NDUFAF2: variants seen among roughly 807,000 people sequenced by gnomAD.
NDUFAF2 encodes NADH dehydrogenase [ubiquinone] 1 alpha subcomplex assembly factor 2.
Under a neutral mutation model 22.8 loss-of-function variants are expected in NDUFAF2, and 13 were observed. That is an observed-to-expected ratio of 0.57 (90% CI 0.37 to 0.91). The LOEUF is 0.91. NDUFAF2 is among the 40% of genes least tolerant of loss of function. The pLI, the probability that NDUFAF2 is intolerant of heterozygous loss-of-function variation, is 0.01. For synonymous variants in NDUFAF2, 53 were observed against 64.2 expected (o/e 0.83, Z 0.84); for missense variants, 162 against 195.2 (o/e 0.83, Z 1.01).
At chr5:61,010,942 T>C (rs966813357) in intron 1 of NDUFAF2, among the ~76,000 whole-genome samples, 1 of 152,078 alleles carries the variant, frequency 6.6e-6, no homozygotes, top group African/African-American at 2.4e-5. Flanking sequence ...CTGGCTGGCC[T>C]TTTGGCTGGC....
intron 1 of NDUFAF2, among the ~76,000 whole-genome samples, chr5:61,051,954 A>G (rs918428524): frequency 7.2e-5 from 11 of 152,210 alleles, no homozygotes; most frequent in Non-Finnish European, 1.0e-4. Flanking sequence ...AGAACCTCAC[A>G]ATGGCTCTGA....
chr5:61,107,968 C>T (rs1261867188), intron 3 of NDUFAF2, among the ~76,000 whole-genome samples: 2 of 151,014 alleles, frequency 1.3e-5, no homozygotes, highest in Non-Finnish European at 2.9e-5. Context: ...TTTCCAATTT[C>T]ATCCATGTCC....
chr5:61,121,011 C>T (rs750961284), intron 3 of NDUFAF2, among the ~76,000 whole-genome samples: 2 of 151,722 alleles, frequency 1.3e-5, no homozygotes, highest in South Asian at 2.1e-4. Context: ...TTTTAATGGG[C>T]GGAATAATGG....
intron 1 of NDUFAF2, among the ~76,000 whole-genome samples, chr5:61,056,889 CAAAAAAAAAAAAA>C (rs144850054): frequency 1.1e-4 from 5 of 46,792 alleles, no homozygotes; most frequent in African/African-American, 5.4e-4. Flanking sequence ...ACTCTGTCTC[CAAAAAAAAAAAAA>C]AAAAAAAAAA....
chr5:61,068,838 T>G lies in NDUFAF2; in HGVS notation c.128-4287T>G, dbSNP rs555661304. On this transcript the variant is annotated intron_variant, in intron 1 of 3. Coordinates refer to ENST00000296597, the MANE Select transcript of NDUFAF2 (RefSeq NM_174889.5). ...CAACCGAAATGTCAGTTTGTAGATG[T>G]AACATTTGTAGTCATCTGAAAGTCT... 7.8e-4 allele frequency among the ~76,000 whole-genome samples: 119 copies of G among 152,298 alleles called. 1 individual carries two copies. The highest frequency in any genetic ancestry group is 6.8e-3 in the Middle Eastern group (2 of 294).
At chr5:60,976,923 T>C (rs966905970) in intron 1 of NDUFAF2, among the ~76,000 whole-genome samples, 1 of 152,170 alleles carries the variant, frequency 6.6e-6, no homozygotes, top group Non-Finnish European at 1.5e-5. Context: ...ATCTTTTTAG[T>C]AAATAATTAT....
intron 1 of NDUFAF2, among the ~76,000 whole-genome samples, chr5:61,031,388 G>C (rs778309584): frequency 6.6e-6 from 1 of 152,042 alleles, no homozygotes; most frequent in Non-Finnish European, 1.5e-5. Flanking sequence ...TCTCACTTAT[G>C]AGTGAGAATA....
chr5:61,138,754 G>A (rs995341548), intron 3 of NDUFAF2, among the ~76,000 whole-genome samples: 1 of 152,230 alleles, frequency 6.6e-6, no homozygotes, highest in African/African-American at 2.4e-5. Context: ...GCAAAGCCAT[G>A]TGTGTGGCTT....
chr5:61,113,103 G>A (rs1162872032), intron 3 of NDUFAF2, among the ~76,000 whole-genome samples: 4 of 152,014 alleles, frequency 2.6e-5, no homozygotes, highest in Non-Finnish European at 5.9e-5. Context: ...TTACTCTACT[G>A]TCTTGAAAGA....
At chr5:61,147,149 A>C (rs981569354) in intron 3 of NDUFAF2, among the ~76,000 whole-genome samples, 15 of 152,080 alleles carry the variant, frequency 9.9e-5, no homozygotes, top group African/African-American at 3.4e-4. Flanking sequence ...ATGAACATTG[A>C]AATATTATGT....
chr5:60,956,277 T>C (rs1179895153), intron 1 of NDUFAF2, among the ~76,000 whole-genome samples: 1 of 152,138 alleles, frequency 6.6e-6, no homozygotes, highest in East Asian at 1.9e-4. Context: ...GTGTGGAATC[T>C]TTGGGGATTT....
chr5:61,004,155 A>G (rs1390321736), intron 1 of NDUFAF2, among the ~76,000 whole-genome samples: 2 of 152,002 alleles, frequency 1.3e-5, no homozygotes, highest in Admixed American at 1.3e-4. Context: ...TATTTATCCT[A>G]TGTGGCTGTG....
At chr5:61,075,056 G>A (rs970135752) in intron 2 of NDUFAF2, among the ~76,000 whole-genome samples, 2 of 151,900 alleles carry the variant, frequency 1.3e-5, no homozygotes, top group African/African-American at 4.8e-5. Context: ...CGACACAAGG[G>A]GATTACAATT....
chr5:61,040,936 A>G (rs143189439), intron 1 of NDUFAF2, among the ~76,000 whole-genome samples: 58 of 152,310 alleles, frequency 3.8e-4, no homozygotes, highest in African/African-American at 1.3e-3. Flanking sequence ...AGTAAATGAA[A>G]TCCCTAAGGG....
chr5:60,961,594 C>CAA (rs36041608), intron 1 of NDUFAF2, among the ~76,000 whole-genome samples: 2,327 of 56,644 alleles, frequency 0.041, 273 homozygotes, highest in African/African-American at 0.17. Context: ...GACTCTGTCT[C>CAA]AAAAAAAAAA....
chr5:61,105,869 T>C (rs552465597), intron 3 of NDUFAF2, among the ~76,000 whole-genome samples: 3 of 151,434 alleles, frequency 2.0e-5, no homozygotes, highest in South Asian at 2.1e-4. Context: ...GGAAAGCAGA[T>C]GGACAAGAGG....
At chr5:60,994,019 C>T (rs554192522) in intron 1 of NDUFAF2, among the ~76,000 whole-genome samples, 9 of 152,368 alleles carry the variant, frequency 5.9e-5, no homozygotes, top group African/African-American at 2.2e-4. Context: ...CAAGGGGCGC[C>T]TGCAGGCCAG....
chr5:60,955,023 C>G (rs1750597374), intron 1 of NDUFAF2, among the ~76,000 whole-genome samples: 1 of 152,066 alleles, frequency 6.6e-6, no homozygotes, highest in Non-Finnish European at 1.5e-5. Context: ...TTGTCCTATT[C>G]CATAGGTTGC....
At chr5:60,962,520 A>C (rs989916530) in intron 1 of NDUFAF2, among the ~76,000 whole-genome samples, 1 of 152,134 alleles carries the variant, frequency 6.6e-6, no homozygotes, top group African/African-American at 2.4e-5. Context: ...TTTACTTTGC[A>C]TTCACCTTGT....
Sources: allele counts gnomAD v4.1 joint callset (sites outside exome capture counted in the v4.1 genomes callset), GRCh38; gene constraint gnomAD v4.1.1; transcripts MANE v1.5; gene names NCBI Gene and HGNC (gene_info 2026-07-23, HGNC 2026-07-21).